URB1: variants seen among roughly 807,000 people sequenced by gnomAD.
URB1 encodes nucleolar pre-ribosomal-associated protein 1.
In URB1, 197 loss-of-function variants were observed where a neutral mutation model predicts 242.3. The observed-to-expected ratio is 0.81, with a 90% CI of 0.72 to 0.91. The LOEUF is 0.91. URB1 is among the 40% of genes least tolerant of loss of function. The pLI is 0.00. For missense variants in URB1, 2,721 were observed against 2,860.5 expected (o/e 0.95, Z 1.11); for synonymous variants, 1,153 against 1,201.8 (o/e 0.96, Z 0.84).
chr21:32,315,062 G>T lies in URB1; in HGVS notation c.6672C>A (p.Asp2224Glu). The change falls in exon 39 of 39, where the codon GAC (aspartate) becomes GAA (glutamate). Residue 2224 changes from aspartate (D) to glutamate (E), a missense_variant. Transcript: ENST00000382751. ...AAFLVSLYIK[D>E]IWLGAQRPDT... The stretch of plus-strand genomic sequence containing the variant: ...CCGGCCGCTGAGCCCCCAGCCAGAT[G>T]TCCTTTATGTAGAGAGACACTAGGA... The T allele has an allele frequency of 6.5e-7, 1 of 1,546,658 alleles. No individual in the cohort carries two copies. Among genetic ancestry groups the T allele is most frequent in the Middle Eastern group, 1.7e-4 (1 of 5,976 alleles).
At chr21:32,376,190 G>C (rs1203372891) in intron 5 of URB1, among the ~76,000 whole-genome samples, 1 of 152,130 alleles carries the variant, frequency 6.6e-6, no homozygotes, top group Non-Finnish European at 1.5e-5. Context: ...TAAAGAGATG[G>C]TCATGATTTT....
chr21:32,383,358 AACC>A, intron 4 of URB1, 61 bp downstream of exon 4: 1 of 1,491,296 alleles, frequency 6.7e-7, no homozygotes. Flanking sequence ...ATGGAGGAAA[AACC>A]ACTACAGTCC....
chr21:32,373,812 T>A, intron 6 of URB1, 40 bp from the exon 7 acceptor site: 1 of 1,457,688 alleles, frequency 6.9e-7, no homozygotes, highest in Non-Finnish European at 9.2e-7. Flanking sequence ...AAACAAATTA[T>A]GAAAAAGTTC....
chr21:32,317,637 G>A, intron 37 of URB1, 39 bp downstream of exon 37: 4 of 1,545,562 alleles, frequency 2.6e-6, no homozygotes, highest in Non-Finnish European at 3.5e-6. Context: ...AGAGAGACAT[G>A]TTGGCTACTC....
intron 38 of URB1, 147 bp downstream of exon 38, chr21:32,316,319 G>A (rs1198941593): frequency 5.4e-6 from 7 of 1,294,934 alleles, no homozygotes; most frequent in East Asian, 5.3e-5. Flanking sequence ...TGCAACCCCA[G>A]AACCGTAAGG....
chr21:32,360,322 GCT>G (rs2033269324), intron 13 of URB1, among the ~76,000 whole-genome samples: 4 of 152,178 alleles, frequency 2.6e-5, no homozygotes, highest in Admixed American at 1.3e-4. Context: ...CCTCTAGCCG[GCT>G]CTCTGGGCTT....
At chr21:32,364,029 C>T (rs555189355) in intron 10 of URB1, among the ~76,000 whole-genome samples, 4 of 151,646 alleles carry the variant, frequency 2.6e-5, no homozygotes, top group South Asian at 4.2e-4. Context: ...AAAGCATTAG[C>T]ATCAGGTGGA....
At chr21:32,372,438 ACACT>A in intron 8 of URB1, 65 bp downstream of exon 8, 1 of 1,500,694 alleles carries the variant, frequency 6.7e-7, no homozygotes, top group Admixed American at 2.3e-5. Flanking sequence ...GTTCCACTAG[ACACT>A]CACATATGTG....
intron 16 of URB1, 126 bp downstream of exon 16, chr21:32,355,323 G>T: frequency 1.2e-6 from 1 of 821,524 alleles, no homozygotes; most frequent in Non-Finnish European, 1.9e-6. Context: ...GTCTCAGCAA[G>T]AATTAGGAAG....
chr21:32,349,193 G>A, intron 21 of URB1, 111 bp downstream of exon 21: 3 of 1,363,760 alleles, frequency 2.2e-6, no homozygotes, highest in Non-Finnish European at 2.9e-6. Context: ...TGTAGTTTCT[G>A]CATTTCCCAA....
chr21:32,359,591 C>T (rs2033261519), intron 14 of URB1, among the ~76,000 whole-genome samples: 1 of 152,206 alleles, frequency 6.6e-6, no homozygotes, highest in Non-Finnish European at 1.5e-5. Flanking sequence ...ATGTTAAGCA[C>T]CATATTTTAC....
At chr21:32,372,449 T>C in intron 8 of URB1, 58 bp downstream of exon 8, 2 of 1,524,928 alleles carry the variant, frequency 1.3e-6, no homozygotes, top group Non-Finnish European at 1.8e-6. Flanking sequence ...CACTCACATA[T>C]GTGGTGACTT....
chr21:32,325,240 C>G lies in URB1; in HGVS notation c.5110G>C (p.Glu1704Gln), dbSNP rs1267847329. ...CTCTTCCTACTTACCTGGGACTGCT[C>G]TTGGAACCGTGCGCCCTCCAAGTGC... is the stretch of plus-strand genomic sequence containing the variant. ...YSHLEGARFQ[E>Q]QSQLLYLLDV... Residue 1704 changes from glutamate (E) to glutamine (Q), a missense_variant, in exon 31 of 39, where the codon GAG becomes CAG. Coordinates refer to ENST00000382751, the MANE Select transcript of URB1 (RefSeq NM_014825.3). 6.4e-7 allele frequency: 1 copy of G among 1,551,068 alleles called. No homozygotes were observed. The highest frequency in any genetic ancestry group is 2.0e-5 in the Admixed American group (1 of 50,960).
At chr21:32,351,107 G>A (rs1201047642) in intron 19 of URB1, among the ~76,000 whole-genome samples, 185 bp from the exon 20 acceptor site, 1 of 152,238 alleles carries the variant, frequency 6.6e-6, no homozygotes, top group African/African-American at 2.4e-5. Flanking sequence ...ACCATGTCAT[G>A]CGTACTTTCC....
chr21:32,337,464 A>C lies in URB1; in HGVS notation c.4561T>G (p.Cys1521Gly). Residue 1521 changes from cysteine (C) to glycine (G), a missense_variant, in exon 27 of 39, where the codon TGT becomes GGT. By Grantham distance (159) the Cys-to-Gly change is radical. Coordinates refer to ENST00000382751, the MANE Select transcript of URB1 (RefSeq NM_014825.3). ...LTVVEMCPSV[C>G]ESSHFAVLLG... ...AGCACTGCAAAGTGGCTGCTCTCAC[A>C]GACAGAGGGGCACATCTCCACCACC... 6.4e-7 allele frequency: 1 copy of C among 1,550,938 alleles called. No individual in the cohort carries two copies. Among genetic ancestry groups the C allele is most frequent in the Non-Finnish European group, 8.7e-7 (1 of 1,146,492 alleles).
intron 5 of URB1, among the ~76,000 whole-genome samples, chr21:32,377,810 A>T (rs1827572104): frequency 6.6e-6 from 1 of 152,158 alleles, no homozygotes; most frequent in Non-Finnish European, 1.5e-5. Context: ...TCCGGCCAGG[A>T]CATGGGACTG....
chr21:32,363,018 G>A (rs1363806180), intron 11 of URB1, 138 bp downstream of exon 11: 8 of 1,107,518 alleles, frequency 7.2e-6, no homozygotes, highest in African/African-American at 3.2e-5. Context: ...CAGCACCCAC[G>A]CTACCACACT....
chr21:32,357,213 A>G (rs949785112), intron 15 of URB1, among the ~76,000 whole-genome samples: 1 of 152,108 alleles, frequency 6.6e-6, no homozygotes, highest in Admixed American at 6.5e-5. Context: ...AAAGCCCTGG[A>G]TAACGCCAGA....
intron 38 of URB1, 122 bp downstream of exon 38, chr21:32,316,340 ACAAG>A: frequency 7.2e-7 from 1 of 1,394,590 alleles, no homozygotes; most frequent in Non-Finnish European, 9.4e-7. Context: ...GGCCACCTAA[ACAAG>A]CACAATACCC....
Sources: gnomAD v4.1 joint callset for allele counts (sites outside exome capture counted in the v4.1 genomes callset) on GRCh38, gnomAD v4.1.1 for gene constraint, MANE v1.5 for transcripts, NCBI Gene and HGNC (gene_info 2026-07-23, HGNC 2026-07-21) for gene names.